TENM3: variants seen among roughly 807,000 people sequenced by gnomAD.
The protein encoded by TENM3 is teneurin transmembrane protein 3.
A neutral mutation model predicts 255.1 loss-of-function variants in TENM3; 63 were observed. That is an observed-to-expected ratio of 0.25 (90% CI 0.20 to 0.30). The LOEUF is 0.30. Among genes scored for constraint, TENM3 ranks in the 10% least tolerant of loss-of-function variants. TENM3 has a pLI of 1.00. For missense variants in TENM3, 2,929 were observed against 3,461.1 expected (o/e 0.85, Z 3.86); for synonymous variants, 1,306 against 1,322.3 (o/e 0.99, Z 0.27).
chr4:182,501,217 T>A (rs1349319925), intron 3 of TENM3, among the ~76,000 whole-genome samples: 1 of 152,178 alleles, frequency 6.6e-6, no homozygotes, highest in African/African-American at 2.4e-5. Context: ...CAGCGGCACC[T>A]TCTGTGTTCA....
rs9999711 is a variant in TENM3 at position 182,735,196 on chromosome 4, G to A, written c.2968-1612G>A. 3.9e-3 allele frequency among the ~76,000 whole-genome samples: 589 copies of A among 152,230 alleles called. 3 individuals are homozygous for A. The highest frequency in any genetic ancestry group is 0.013 in the African/African-American group (520 of 41,520). On this transcript the variant is annotated intron_variant, in intron 16 of 27. Coordinates refer to ENST00000511685, the MANE Select transcript of TENM3 (RefSeq NM_001080477.4). ...TTTGTAAACTATTTTGCTTAAGACC[G>A]TTTTGTGGCTGAATTCAGTCAGCAT...
intron 3 of TENM3, among the ~76,000 whole-genome samples, chr4:182,490,006 G>A (rs1735133970): frequency 6.6e-6 from 1 of 152,148 alleles, no homozygotes; most frequent in Admixed American, 6.5e-5. Flanking sequence ...TGTAAGAGGA[G>A]TAAAGACCAA....
the TENM3 span, among the ~76,000 whole-genome samples, chr4:182,137,175 C>T: frequency 1.3e-5 from 2 of 152,196 alleles, no homozygotes; most frequent in Admixed American, 1.3e-4. Flanking sequence ...CACCAAATTG[C>T]TCCAACAATT....
intron 3 of TENM3, among the ~76,000 whole-genome samples, chr4:182,559,354 G>A (rs960081097): frequency 6.6e-5 from 10 of 151,902 alleles, no homozygotes; most frequent in African/African-American, 2.4e-4. Context: ...AGTAATTTTC[G>A]TTGTTTCCAT....
the TENM3 span, among the ~76,000 whole-genome samples, chr4:181,553,046 G>C: frequency 0.26 from 39,788 of 152,028 alleles, 5,559 homozygotes; most frequent in Middle Eastern, 0.39. Context: ...AATCATGTTT[G>C]ATTTTTGAAC....
the TENM3 span, among the ~76,000 whole-genome samples, chr4:182,013,621 G>T: frequency 6.6e-6 from 1 of 152,178 alleles, no homozygotes; most frequent in South Asian, 2.1e-4. Flanking sequence ...GCCTGGAACT[G>T]AAAGAAACTC....
At chr4:182,585,811 A>G (rs1745963477) in intron 3 of TENM3, among the ~76,000 whole-genome samples, 1 of 152,058 alleles carries the variant, frequency 6.6e-6, no homozygotes, top group Non-Finnish European at 1.5e-5. Flanking sequence ...GACTCATGAA[A>G]TGAAAGCTCA....
chr4:181,492,765 C>T, the TENM3 span, among the ~76,000 whole-genome samples: 1 of 152,160 alleles, frequency 6.6e-6, no homozygotes, highest in African/African-American at 2.4e-5. Flanking sequence ...TCAACTCACT[C>T]TTCCCATCTG....
chr4:181,698,812 T>A, the TENM3 span, among the ~76,000 whole-genome samples: 3 of 152,246 alleles, frequency 2.0e-5, no homozygotes, highest in Middle Eastern at 6.3e-3. Flanking sequence ...AAAAGTGATT[T>A]TCAATTATTC....
At chr4:181,911,732 G>A in the TENM3 span, among the ~76,000 whole-genome samples, 2 of 152,266 alleles carry the variant, frequency 1.3e-5, no homozygotes, top group East Asian at 1.9e-4. Context: ...TTATGAAAAT[G>A]AACAGGGATG....
chr4:181,867,144 G>A, the TENM3 span, among the ~76,000 whole-genome samples: 8 of 152,206 alleles, frequency 5.3e-5, no homozygotes, highest in African/African-American at 1.4e-4. Flanking sequence ...TAATTTCACC[G>A]TGGAATTTCT....
intron 13 of TENM3, among the ~76,000 whole-genome samples, chr4:182,718,923 A>G (rs916006711): frequency 7.9e-5 from 12 of 152,212 alleles, no homozygotes; most frequent in African/African-American, 2.4e-4. Flanking sequence ...TTCTGTCTCT[A>G]TGGAAACTTA....
At chr4:181,811,596 T>C in the TENM3 span, among the ~76,000 whole-genome samples, 30 of 152,300 alleles carry the variant, frequency 2.0e-4, no homozygotes, top group African/African-American at 7.2e-4. Flanking sequence ...CAGTTCCACA[T>C]GGCTGGGGAG....
the TENM3 span, among the ~76,000 whole-genome samples, chr4:182,006,390 G>T: frequency 1.3e-5 from 2 of 152,212 alleles, no homozygotes. Context: ...ATTAATTACG[G>T]CCTCAGTTTC....
the TENM3 span, among the ~76,000 whole-genome samples, chr4:181,622,590 C>T: frequency 2.6e-5 from 4 of 152,086 alleles, no homozygotes; most frequent in Admixed American, 6.6e-5. Flanking sequence ...GCAGGAGAAT[C>T]GCTTGAACCC....
the TENM3 span, among the ~76,000 whole-genome samples, chr4:181,513,128 ACTTTTTTTG>A: frequency 6.6e-6 from 1 of 152,108 alleles, no homozygotes; most frequent in African/African-American, 2.4e-5. Context: ...TTCCTCTGAG[ACTTTTTTTG>A]TGGTGTTATT....
intron 1 of TENM3, among the ~76,000 whole-genome samples, chr4:182,229,649 C>CAT (rs147373346): frequency 0.063 from 9,519 of 151,714 alleles, 396 homozygotes; most frequent in Non-Finnish European, 0.091. Context: ...CACACACACA[C>CAT]ATATATGTAT....
At chr4:181,637,645 G>GCCT in the TENM3 span, among the ~76,000 whole-genome samples, 1 of 152,188 alleles carries the variant, frequency 6.6e-6, no homozygotes, top group Non-Finnish European at 1.5e-5. Flanking sequence ...GAAAGGCCCT[G>GCCT]CCTCCTCCTA....
the TENM3 span, among the ~76,000 whole-genome samples, chr4:181,618,247 A>G: frequency 0.99 from 150,892 of 152,252 alleles, 74,791 homozygotes; most frequent in Non-Finnish European, 1. Flanking sequence ...GACTTACACC[A>G]GTTTCAGTCC....
Sources: gnomAD v4.1 joint callset for allele counts (sites outside exome capture counted in the v4.1 genomes callset) on GRCh38, gnomAD v4.1.1 for gene constraint, MANE v1.5 for transcripts, NCBI Gene and HGNC (gene_info 2026-07-23, HGNC 2026-07-21) for gene names.